TTI1: variants seen among roughly 807,000 people sequenced by gnomAD.
TTI1 encodes the protein TELO2 interacting protein 1.
In TTI1, 52 loss-of-function variants were observed where a neutral mutation model predicts 85.4. The observed-to-expected ratio is 0.61, with a 90% CI of 0.49 to 0.77. The LOEUF is 0.77. TTI1 is among the 30% of genes least tolerant of loss of function. TTI1 has a pLI of 0.00. For synonymous variants in TTI1, 512 were observed against 503.9 expected, an observed-to-expected ratio of 1.02 and a Z score of -0.22; for missense variants, 1,173 against 1,296.0, an observed-to-expected ratio of 0.91 and a Z score of 1.46.
At chr20:38,030,528 AACACACACACAC>A (rs3038751) in intron 1 of TTI1, among the ~76,000 whole-genome samples, 3 of 144,840 alleles carry the variant, frequency 2.1e-5, no homozygotes, top group Admixed American at 6.9e-5. Flanking sequence ...CAGTATGTAA[AACACACACACAC>A]ACACACACAC....
intron 5 of TTI1, 121 bp from the exon 6 acceptor site, chr20:37,997,074 C>T (rs2073353370): frequency 9.0e-6 from 10 of 1,111,900 alleles, no homozygotes; most frequent in East Asian, 5.2e-5. Context: ...AATAGAATTA[C>T]TGCTGTTAAT....
intron 1 of TTI1, among the ~76,000 whole-genome samples, chr20:38,020,132 ATAAT>A (rs1439575033): frequency 3.3e-5 from 5 of 151,848 alleles, no homozygotes; most frequent in Non-Finnish European, 5.9e-5. Context: ...TAAAGATACA[ATAAT>A]TAAAGGACAG....
intron 7 of TTI1, among the ~76,000 whole-genome samples, chr20:37,995,140 G>A (rs1259029186): frequency 6.6e-6 from 1 of 152,192 alleles, no homozygotes; most frequent in Non-Finnish European, 1.5e-5. Context: ...ATTCTGTACG[G>A]AATAAAAATG....
chr20:38,002,566 C>T, intron 4 of TTI1, 62 bp downstream of exon 4: 2 of 1,590,936 alleles, frequency 1.3e-6, no homozygotes, highest in Admixed American at 1.7e-5. Flanking sequence ...GTAGCCACTG[C>T]CAACCAGGCC....
chr20:37,992,280 C>T (rs2073275392), intron 7 of TTI1, among the ~76,000 whole-genome samples: 1 of 151,914 alleles, frequency 6.6e-6, no homozygotes, highest in Non-Finnish European at 1.5e-5. Flanking sequence ...ACTTCATCTT[C>T]TTCTTTTTTT....
chr20:38,009,791 C>T (rs766683886), intron 2 of TTI1, among the ~76,000 whole-genome samples: 3 of 152,164 alleles, frequency 2.0e-5, no homozygotes, highest in East Asian at 3.8e-4. Flanking sequence ...GTGTGAGCCA[C>T]GGCACCCGGC....
At chr20:37,996,993 A>G (rs1218692512) in intron 5 of TTI1, 40 bp from the exon 6 acceptor site, 1 of 1,598,738 alleles carries the variant, frequency 6.3e-7, no homozygotes, top group Admixed American at 1.7e-5. Context: ...GAACATTGCC[A>G]AGGCAGCAAG....
intron 5 of TTI1, among the ~76,000 whole-genome samples, chr20:37,997,433 G>T (rs2073358587): frequency 6.6e-6 from 1 of 152,166 alleles, no homozygotes; most frequent in African/African-American, 2.4e-5. Context: ...CGAGGTCCCT[G>T]GGCTGAACCA....
At chr20:38,011,336 T>C (rs1467818074) in intron 2 of TTI1, among the ~76,000 whole-genome samples, 179 bp downstream of exon 2, 1 of 152,176 alleles carries the variant, frequency 6.6e-6, no homozygotes. Context: ...ATGGTAGAGA[T>C]TACTGAAAGT....
chr20:38,007,995 A>G (rs1210152176), intron 2 of TTI1, among the ~76,000 whole-genome samples: 1 of 152,264 alleles, frequency 6.6e-6, no homozygotes, highest in Non-Finnish European at 1.5e-5. Context: ...GGTGACAGAC[A>G]TTAAAATGTC....
intron 1 of TTI1, among the ~76,000 whole-genome samples, chr20:38,029,264 A>G (rs2073874081): frequency 6.6e-6 from 1 of 152,136 alleles, no homozygotes; most frequent in Admixed American, 6.5e-5. Flanking sequence ...GAAATGAATG[A>G]AAATGAAAAT....
At chr20:38,030,137 A>G (rs1447462869) in intron 1 of TTI1, among the ~76,000 whole-genome samples, 1 of 151,904 alleles carries the variant, frequency 6.6e-6, no homozygotes, top group African/African-American at 2.4e-5. Flanking sequence ...TAGGAAAGAG[A>G]TTATTTTAAC....
chr20:37,984,619 T>A (rs1248570078), intron 7 of TTI1, among the ~76,000 whole-genome samples: 2 of 152,166 alleles, frequency 1.3e-5, no homozygotes, highest in African/African-American at 4.8e-5. Flanking sequence ...AGTCTGCCCA[T>A]CTCAGCTCAC....
intron 4 of TTI1, among the ~76,000 whole-genome samples, chr20:38,001,905 A>G (rs2073430981): frequency 6.6e-6 from 1 of 152,106 alleles, no homozygotes; most frequent in Non-Finnish European, 1.5e-5. Context: ...TTTAGTAGAG[A>G]TGGGGTTTCT....
At chr20:37,987,936 G>A (rs2073213943) in intron 7 of TTI1, among the ~76,000 whole-genome samples, 1 of 152,192 alleles carries the variant, frequency 6.6e-6, no homozygotes, top group South Asian at 2.1e-4. Context: ...GCAAGCTGGG[G>A]GCGAGGAGGT....
intron 1 of TTI1, among the ~76,000 whole-genome samples, chr20:38,018,683 G>A (rs2122619192): frequency 6.6e-6 from 1 of 151,670 alleles, no homozygotes; most frequent in East Asian, 1.9e-4. Context: ...ACCTTAAAAA[G>A]CAGTGAAGCA....
Position 37,987,230 on chromosome 20 carries a change from C to T in TTI1, c.3087-3591G>A, listed in dbSNP as rs78588441. ...CACTTTGTCCTGGGGCCAGTTCCTG[C>T]CCAGCCTTAGCTGAAACCAGAGAGT... On this transcript the variant is annotated intron_variant, in intron 7 of 7. Coordinates refer to ENST00000373447, the MANE Select transcript of TTI1 (RefSeq NM_001303457.2). 4,038 of 456,724 alleles carry T rather than the reference C, an allele frequency of 8.8e-3. 43 individuals carry two copies. Among genetic ancestry groups the T allele is most frequent in the Non-Finnish European group, 0.014 (3,082 of 226,968 alleles). The allele number at this position is 456,724 out of a possible 1,614,324, so 28.3% of individuals were successfully genotyped here. A position where few individuals can be genotyped will look rare whatever the true frequency, so the allele number is the denominator to read the frequency against.
chr20:37,993,557 T>C (rs1442977583), intron 7 of TTI1, among the ~76,000 whole-genome samples: 12 of 152,142 alleles, frequency 7.9e-5, no homozygotes, highest in African/African-American at 2.4e-5. Flanking sequence ...AAGGCGCCCC[T>C]TGGAGGTCCT....
intron 2 of TTI1, 21 bp from the exon 3 acceptor site, chr20:38,006,418 T>G (rs2073500975): frequency 7.4e-6 from 12 of 1,613,666 alleles, no homozygotes; most frequent in Non-Finnish European, 9.3e-6. Flanking sequence ...AGTGTTACAA[T>G]GATCACCTTG....
Sources: allele counts gnomAD v4.1 joint callset (sites outside exome capture counted in the v4.1 genomes callset), GRCh38; gene constraint gnomAD v4.1.1; transcripts MANE v1.5; gene names NCBI Gene and HGNC (gene_info 2026-07-23, HGNC 2026-07-21).